The following CALN1 variants were observed in gnomAD, a reference collection of about 807,000 sequenced individuals.
CALN1 encodes the protein calneuron 1.
In CALN1, 17 loss-of-function variants were observed where a neutral mutation model predicts 30.6. The ratio of observed to expected loss-of-function variants is 0.56; its 90% CI spans 0.38 to 0.83. CALN1 has a LOEUF of 0.83. Among genes scored for constraint, CALN1 ranks in the 40% least tolerant of loss-of-function variants. The pLI is 0.00. For synonymous variants in CALN1, 156 were observed against 131.4 expected, an observed-to-expected ratio of 1.19 and a Z score of -1.28; for missense variants, 291 against 354.9, an observed-to-expected ratio of 0.82 and a Z score of 1.45.
At chr7:72,110,814 C>CA (rs1480010419) in intron 3 of CALN1, among the ~76,000 whole-genome samples, 2 of 152,086 alleles carry the variant, frequency 1.3e-5, no homozygotes, top group Non-Finnish European at 2.9e-5. Context: ...CTGGGAAAGA[C>CA]ATGTGATGTG....
chr7:71,803,672 GC>G (rs1787437018), intron 6 of CALN1, among the ~76,000 whole-genome samples: 1 of 151,836 alleles, frequency 6.6e-6, no homozygotes, highest in African/African-American at 2.4e-5. Flanking sequence ...ACAGGGTTTC[GC>G]CATGTTGGCC....
At chr7:71,960,651 T>C (rs891842142) in intron 5 of CALN1, among the ~76,000 whole-genome samples, 1 of 152,200 alleles carries the variant, frequency 6.6e-6, no homozygotes, top group African/African-American at 2.4e-5. Context: ...AGTGCAAGTA[T>C]CTTTTTGATA....
chr7:72,287,922 C>A lies in CALN1; in HGVS notation c.120-9112G>T, dbSNP rs1303094286. The stretch of plus-strand genomic sequence containing the variant: ...GGTTATTGAGTATGCGAATCTTTAC[C>A]TTTATTGGATTTAGTGAAATTGCAC... On this transcript the variant is annotated intron_variant, in intron 2 of 6. Coordinates refer to ENST00000395275, the MANE Select transcript of CALN1 (RefSeq NM_031468.4). Among the ~76,000 whole-genome samples the A allele has an allele frequency of 5.9e-5, 9 of 151,756 alleles. No individual in the cohort carries two copies. In the East Asian group the frequency reaches 1.7e-3, roughly 29 times the overall value.
At chr7:72,394,767 T>C (rs1166547814) in intron 2 of CALN1, among the ~76,000 whole-genome samples, 1 of 150,878 alleles carries the variant, frequency 6.6e-6, no homozygotes, top group East Asian at 2.0e-4. Context: ...GATCAAGCAA[T>C]CCTCCCACCT....
Position 72,357,291 on chromosome 7 carries a change from G to C in CALN1, c.119+45960C>G, listed in dbSNP as rs73702927. ...CACAAACCCCCCGACCCCAAGCTGA[G>C]ATCTGGCGATGTGGTTGGACTCGGA... On this transcript the variant is annotated intron_variant, in intron 2 of 6. Transcript: ENST00000395275. Among the ~76,000 whole-genome samples the C allele has an allele frequency of 6.1e-3, 926 of 152,052 alleles. 26 individuals are homozygous for C. Among genetic ancestry groups the C allele is most frequent in the African/African-American group, 0.022 (900 of 41,322 alleles).
intron 3 of CALN1, among the ~76,000 whole-genome samples, chr7:72,128,961 TTA>T (rs1808955464): frequency 6.6e-6 from 1 of 152,128 alleles, no homozygotes; most frequent in African/African-American, 2.4e-5. Flanking sequence ...TGTTTGTAAT[TTA>T]TGTTACAAAA....
chr7:71,809,973 C>T (rs372295203), intron 6 of CALN1, among the ~76,000 whole-genome samples: 21 of 152,130 alleles, frequency 1.4e-4, no homozygotes, highest in Non-Finnish European at 2.8e-4. Flanking sequence ...ACAACGGACT[C>T]GACCCAAGTT....
chr7:71,945,755 A>G (rs1251032633), intron 5 of CALN1, among the ~76,000 whole-genome samples: 1 of 152,254 alleles, frequency 6.6e-6, no homozygotes, highest in Non-Finnish European at 1.5e-5. Flanking sequence ...CTGATTCTAC[A>G]TGATGTGTAA....
intron 2 of CALN1, among the ~76,000 whole-genome samples, chr7:72,372,553 G>A (rs902214823): frequency 2.0e-5 from 3 of 152,164 alleles, no homozygotes; most frequent in African/African-American, 7.2e-5. Flanking sequence ...AATTTCATGA[G>A]TATATTGATT....
intron 2 of CALN1, among the ~76,000 whole-genome samples, chr7:72,331,369 GA>G (rs1801665714): frequency 1.3e-5 from 2 of 151,866 alleles, no homozygotes; most frequent in Non-Finnish European, 1.5e-5. Context: ...AGAAAAAAAA[GA>G]AAAAGAAAAA....
At chr7:72,116,585 G>A (rs1203349938) in intron 3 of CALN1, among the ~76,000 whole-genome samples, 3 of 152,140 alleles carry the variant, frequency 2.0e-5, no homozygotes, top group Non-Finnish European at 4.4e-5. Context: ...CCTGGATGGC[G>A]CCATGCAAAA....
chr7:72,498,357 A>T, the CALN1 span, among the ~76,000 whole-genome samples: 3 of 149,562 alleles, frequency 2.0e-5, no homozygotes, highest in African/African-American at 7.3e-5. Flanking sequence ...AAAATTAGTT[A>T]AAAAAAAAAC....
chr7:72,301,877 G>A (rs189580173), intron 2 of CALN1, among the ~76,000 whole-genome samples: 1 of 152,210 alleles, frequency 6.6e-6, no homozygotes, highest in East Asian at 1.9e-4. Context: ...CGCCAGGAAT[G>A]GCAATGACCA....
intron 5 of CALN1, among the ~76,000 whole-genome samples, chr7:71,926,280 T>G (rs112815068): frequency 6.6e-6 from 1 of 152,132 alleles, no homozygotes; most frequent in African/African-American, 2.4e-5. Flanking sequence ...TGAAAGCCTT[T>G]GCCCCTGCCA....
chr7:72,453,088 G>A, the CALN1 span, among the ~76,000 whole-genome samples: 4 of 152,196 alleles, frequency 2.6e-5, no homozygotes, highest in Non-Finnish European at 5.9e-5. Context: ...TCCTAAGCCA[G>A]GCAAATCACA....
At position 71,994,511 on chromosome 7, in the gene CALN1, C is replaced by CAAAAAAAA. The variant is rs367725464; in HGVS notation, c.501+29138_501+29145dup. Reference sequence around the variant, plus strand: ...TGGGCGACAGAGCAAGACTTCATCTCAAAAAAAAAAAAAAAAAAAAAACAG... The same window carrying CAAAAAAAA: ...TGGGCGACAGAGCAAGACTTCATCTCAAAAAAAAAAAAAAAAAAAAAAAAAAAAAACAG... On this transcript the variant is annotated intron_variant, in intron 5 of 6. Coordinates refer to ENST00000395275, the MANE Select transcript of CALN1 (RefSeq NM_031468.4). Among the ~76,000 whole-genome samples the CAAAAAAAA allele has an allele frequency of 7.0e-3, 307 of 43,996 alleles. 19 individuals are homozygous for CAAAAAAAA. The highest frequency in any genetic ancestry group is 0.024 in the African/African-American group (287 of 11,724). The allele number at this position is 43,996 out of a possible 152,430, so 28.9% of individuals were successfully genotyped here. A position where few individuals can be genotyped will look rare whatever the true frequency, so the allele number is the denominator to read the frequency against.
At chr7:71,808,884 T>G (rs1475724984) in intron 6 of CALN1, among the ~76,000 whole-genome samples, 1 of 152,082 alleles carries the variant, frequency 6.6e-6, no homozygotes, top group Non-Finnish European at 1.5e-5. Flanking sequence ...TTTCTCAAGT[T>G]TCAGTTCTCA....
intron 5 of CALN1, among the ~76,000 whole-genome samples, chr7:71,864,273 T>C (rs542711405): frequency 6.6e-6 from 1 of 152,266 alleles, no homozygotes; most frequent in African/African-American, 2.4e-5. Context: ...TCAGTTGCAT[T>C]TGAGTTGATG....
rs1803165889 is a variant in CALN1 at position 72,055,074 on chromosome 7, C to T, written c.389-31305G>A. On this transcript the variant is annotated intron_variant, in intron 4 of 6. Coordinates refer to ENST00000395275, the MANE Select transcript of CALN1 (RefSeq NM_031468.4). ...TGCTGTTCATGATCGCTGACATCCA[C>T]AGAGCATTTTTTATCTGCCAGGCAT... 3.9e-5 allele frequency among the ~76,000 whole-genome samples: 6 copies of T among 152,102 alleles called. 1 individual carries two copies. Among genetic ancestry groups the T allele is most frequent in the Admixed American group, 3.9e-4 (6 of 15,270 alleles).
Sources: allele counts gnomAD v4.1 joint callset (sites outside exome capture counted in the v4.1 genomes callset), GRCh38; gene constraint gnomAD v4.1.1; transcripts MANE v1.5; gene names NCBI Gene and HGNC (gene_info 2026-07-23, HGNC 2026-07-21).